Variants in KCND3 observed in about 807,000 individuals in gnomAD.
KCND3 encodes the protein A-type voltage-gated potassium channel KCND3.
A neutral mutation model predicts 51.1 loss-of-function variants in KCND3; 9 were observed. The ratio of observed to expected loss-of-function variants is 0.18; its 90% CI spans 0.11 to 0.31. The LOEUF is 0.31. KCND3 is among the 10% of genes least tolerant of loss of function. KCND3 has a pLI of 1.00. For missense variants in KCND3, 526 were observed against 903.8 expected (o/e 0.58, Z 5.36); for synonymous variants, 349 against 368.0 (o/e 0.95, Z 0.59).
At chr1:111,943,309 T>G (rs570132700) in intron 2 of KCND3, among the ~76,000 whole-genome samples, 4 of 152,190 alleles carry the variant, frequency 2.6e-5, no homozygotes, top group Non-Finnish European at 5.9e-5. Flanking sequence ...CTCAGCTCCT[T>G]CTCCATGGAG....
At chr1:111,898,543 T>A (rs542062653) in intron 2 of KCND3, among the ~76,000 whole-genome samples, 4 of 152,352 alleles carry the variant, frequency 2.6e-5, no homozygotes, top group South Asian at 4.1e-4. Context: ...CCTTGGTCCC[T>A]GGGGTCTGGC....
At position 111,879,383 on chromosome 1, in the gene KCND3, C is replaced by G. The variant is rs75499306; in HGVS notation, c.1107-92277G>C. ...TGTTTACATTCTTGCCTCTCAGCTT[C>G]CAGGGACGACTCAAATGGCCCCTGA... On this transcript the variant is annotated intron_variant, in intron 2 of 7. Coordinates refer to ENST00000302127, the MANE Select transcript of KCND3 (RefSeq NM_001378969.1). Among the ~76,000 whole-genome samples the G allele has an allele frequency of 9.8e-3, 1,492 of 152,242 alleles. 21 individuals carry two copies. The highest frequency in any genetic ancestry group is 0.033 in the African/African-American group (1,359 of 41,530).
intron 2 of KCND3, among the ~76,000 whole-genome samples, chr1:111,976,248 G>C (rs1674617397): frequency 6.6e-6 from 1 of 152,214 alleles, no homozygotes; most frequent in Admixed American, 6.5e-5. Context: ...CCTGGCTCCA[G>C]AGTCTGCAGG....
intron 2 of KCND3, among the ~76,000 whole-genome samples, chr1:111,860,225 C>T (rs1488780691): frequency 6.6e-6 from 1 of 152,234 alleles, no homozygotes; most frequent in African/African-American, 2.4e-5. Flanking sequence ...TTAAGCCACA[C>T]AAAACCCCTA....
chr1:111,866,089 T>A (rs1668552053), intron 2 of KCND3, among the ~76,000 whole-genome samples: 1 of 152,098 alleles, frequency 6.6e-6, no homozygotes, highest in African/African-American at 2.4e-5. Flanking sequence ...TTTCACTATT[T>A]TATTTTTTAG....
At position 111,982,903 on chromosome 1, in the gene KCND3, T is replaced by C; in HGVS notation, c.-72-105A>G. On this transcript the variant is annotated intron_variant, in intron 1 of 7. Coordinates refer to ENST00000302127, the MANE Select transcript of KCND3 (RefSeq NM_001378969.1). The surrounding 1 kb of genome is among the most constrained non-coding windows in gnomAD (Gnocchi z 8.5). ...ACTGGTGAGTGAAACGGCCAAAGTC[T>C]CCAGGGCAGATTAATAAAACTGAAA... The C allele has an allele frequency of 1.2e-6, 1 of 832,824 alleles. No homozygotes were observed. The highest frequency in any genetic ancestry group is 1.6e-5 in the South Asian group (1 of 61,014). The allele number at this position is 832,824 out of a possible 1,614,324, so 51.6% of individuals were successfully genotyped here. A position where few individuals can be genotyped will look rare whatever the true frequency, so the allele number is the denominator to read the frequency against.
chr1:111,947,572 G>T (rs1672841148), intron 2 of KCND3, among the ~76,000 whole-genome samples: 1 of 152,188 alleles, frequency 6.6e-6, no homozygotes, highest in Admixed American at 6.5e-5. Context: ...GTGAGACTAG[G>T]ACTCAAACCC....
At position 111,778,474 on chromosome 1, in the gene KCND3, C is replaced by A; in HGVS notation, c.1480G>T (p.Asp494Tyr). ...GTTCGTACAGATAACAGGGGATCATCCACAAGATAGGACAACCCCTACAGG... is the reference window on the plus strand; with the variant it reads ...GTTCGTACAGATAACAGGGGATCATACACAAGATAGGACAACCCCTACAGG... Reference protein sequence around the residue: ...EKTTGLSYLVDDPLLSVRTST... With the variant: ...EKTTGLSYLVYDPLLSVRTST... The change falls in exon 6 of 8, where the codon GAT becomes TAT. Residue 494 changes from aspartate (D) to tyrosine (Y), a missense_variant. Asp to Tyr is a radical substitution (Grantham distance 160, BLOSUM62 -3). This residue lies in a region of KCND3 where 266 missense variants were observed against 305.5 expected (regional missense o/e 0.87). Transcript: ENST00000302127. 1 of 1,613,946 alleles carries A rather than the reference C, an allele frequency of 6.2e-7. No homozygotes were observed. Among genetic ancestry groups the A allele is most frequent in the Non-Finnish European group, 8.5e-7 (1 of 1,179,874 alleles).
chr1:111,900,653 T>TG (rs1670339815), intron 2 of KCND3, among the ~76,000 whole-genome samples: 2 of 147,854 alleles, frequency 1.4e-5, no homozygotes, highest in Admixed American at 1.3e-4. Flanking sequence ...CAGTGAATGC[T>TG]AAAAAAAAAA....
At chr1:111,915,292 A>C (rs928269215) in intron 2 of KCND3, among the ~76,000 whole-genome samples, 3 of 152,326 alleles carry the variant, frequency 2.0e-5, no homozygotes, top group African/African-American at 7.2e-5. Context: ...AAGTATACCT[A>C]ATCTAAAAAC....
At chr1:111,968,580 G>T (rs1404229412) in intron 2 of KCND3, among the ~76,000 whole-genome samples, 1 of 152,198 alleles carries the variant, frequency 6.6e-6, no homozygotes, top group African/African-American at 2.4e-5. Context: ...ACACCCAGGG[G>T]TGACATCTCC....
rs114592507 is a variant in KCND3 at position 111,871,987 on chromosome 1, G to A, written c.1107-84881C>T. Among the ~76,000 whole-genome samples the A allele has an allele frequency of 5.8e-3, 882 of 152,290 alleles. 7 individuals are homozygous for A. Among genetic ancestry groups the A allele is most frequent in the Non-Finnish European group, 6.9e-3 (470 of 68,020 alleles). On this transcript the variant is annotated intron_variant, in intron 2 of 7. Coordinates refer to ENST00000302127, the MANE Select transcript of KCND3 (RefSeq NM_001378969.1). ...TGGGGCCTGAGAAATGGTCAGTACC[G>A]TCAAGAGCAAGTTCCGTGGAGCAGC...
Position 111,981,930 on chromosome 1 carries a change from G to A in KCND3, c.797C>T (p.Ala266Val). The A allele has an allele frequency of 6.2e-7, 1 of 1,614,128 alleles. No individual in the cohort carries two copies. Among genetic ancestry groups the A allele is most frequent in the Non-Finnish European group, 8.5e-7 (1 of 1,180,018 alleles). Reference protein sequence around the residue: ...RSVMSIIDVVAIMPYYIGLVM... With the variant: ...RSVMSIIDVVVIMPYYIGLVM... ...CAGACCGATGTAGTAGGGCATGATG[G>A]CCACCACGTCGATGATGCTCATGAC... Residue 266 changes from alanine to valine, a missense_variant, in exon 2 of 8, where the codon GCC becomes GTC. Ala to Val is a moderately conservative substitution (Grantham distance 64, BLOSUM62 0). Around this residue, in one of 5 missense-constraint regions of KCND3, gnomAD observed 48 missense variants for 228.5 expected, o/e 0.21. Transcript: ENST00000302127. The surrounding 1 kb of genome is among the most constrained non-coding windows in gnomAD (Gnocchi z 6.2).
intron 2 of KCND3, among the ~76,000 whole-genome samples, chr1:111,860,626 C>T (rs1358179912): frequency 6.6e-6 from 1 of 152,200 alleles, no homozygotes; most frequent in East Asian, 1.9e-4. Flanking sequence ...TATCCTTGAG[C>T]TGCAACTGTG....
intron 2 of KCND3, among the ~76,000 whole-genome samples, chr1:111,887,107 T>C (rs921407229): frequency 2.0e-5 from 3 of 150,462 alleles, no homozygotes; most frequent in African/African-American, 7.4e-5. Flanking sequence ...TAAAGTGGAG[T>C]TTTTGGTGGA....
chr1:111,930,301 C>T (rs1433056675), intron 2 of KCND3, among the ~76,000 whole-genome samples: 2 of 152,114 alleles, frequency 1.3e-5, no homozygotes, highest in Non-Finnish European at 2.9e-5. Context: ...AAGGGGGTCT[C>T]ATATACTGCA....
chr1:111,898,422 C>T (rs953217338), intron 2 of KCND3, among the ~76,000 whole-genome samples: 21 of 151,862 alleles, frequency 1.4e-4, no homozygotes, highest in Non-Finnish European at 2.9e-5. Flanking sequence ...AAGACCTTAT[C>T]ATTCTGATCA....
chr1:111,799,568 G>C (rs1465806521), intron 2 of KCND3, among the ~76,000 whole-genome samples: 1 of 152,206 alleles, frequency 6.6e-6, no homozygotes, highest in African/African-American at 2.4e-5. Flanking sequence ...CTTGGCCCAA[G>C]AAGTTCTTGT....
chr1:111,865,312 C>T (rs1192089064), intron 2 of KCND3, among the ~76,000 whole-genome samples: 2 of 152,232 alleles, frequency 1.3e-5, no homozygotes, highest in African/African-American at 4.8e-5. Context: ...AGCCAAACTA[C>T]AGTAGGGGGT....
Sources: gnomAD v4.1 joint callset for allele counts (sites outside exome capture counted in the v4.1 genomes callset) on GRCh38, gnomAD v4.1.1 for gene constraint, gnomAD v4.1.1 regional missense constraint, Gnocchi (gnomAD v3.1) non-coding constraint, MANE v1.5 for transcripts, NCBI Gene and HGNC (gene_info 2026-07-23, HGNC 2026-07-21) for gene names.